Variants in GALNTL6 observed in about 807,000 individuals in gnomAD.
The protein encoded by GALNTL6 is polypeptide N-acetylgalactosaminyltransferase-like 6.
GALNTL6 carries 46 observed loss-of-function variants against 73.7 expected under a neutral mutation model. That is an observed-to-expected ratio of 0.62 (90% CI 0.49 to 0.80). GALNTL6 has a LOEUF of 0.80. Ranked by LOEUF, GALNTL6 falls within the 30% of genes least tolerant of loss-of-function variation. GALNTL6 has a pLI of 0.00. For missense variants in GALNTL6, 604 were observed against 755.0 expected (o/e 0.80, Z 2.34); for synonymous variants, 259 against 263.7 (o/e 0.98, Z 0.17).
At chr4:171,900,535 G>C (rs1405411690) in intron 2 of GALNTL6, among the ~76,000 whole-genome samples, 1 of 150,834 alleles carries the variant, frequency 6.6e-6, no homozygotes, top group Non-Finnish European at 1.5e-5. Context: ...AACCAGGATG[G>C]TGTCAATCTC....
intron 3 of GALNTL6, among the ~76,000 whole-genome samples, chr4:172,304,273 C>T (rs556751661): frequency 6.8e-4 from 104 of 152,204 alleles, no homozygotes; most frequent in Admixed American, 1.8e-3. Context: ...ATATGTGTGG[C>T]GTACCTGTTA....
chr4:172,179,627 G>A (rs1365234791), intron 2 of GALNTL6, among the ~76,000 whole-genome samples: 1 of 146,814 alleles, frequency 6.8e-6, no homozygotes, highest in Admixed American at 6.8e-5. Flanking sequence ...TCTGATGGTA[G>A]TTTCTTTTGC....
At chr4:172,703,772 T>G (rs1734168362) in intron 5 of GALNTL6, among the ~76,000 whole-genome samples, 2 of 152,006 alleles carry the variant, frequency 1.3e-5, no homozygotes, top group Admixed American at 1.3e-4. Context: ...GAATTGGTAT[T>G]AGTTCTTCTT....
chr4:172,302,553 C>T (rs1053554704), intron 3 of GALNTL6, among the ~76,000 whole-genome samples: 5 of 152,174 alleles, frequency 3.3e-5, no homozygotes. Flanking sequence ...CTCCACCTAT[C>T]CTCATGAGAG....
intron 5 of GALNTL6, among the ~76,000 whole-genome samples, chr4:172,757,237 T>C (rs997483994): frequency 2.6e-5 from 4 of 152,232 alleles, no homozygotes; most frequent in Non-Finnish European, 4.4e-5. Context: ...AGCTACATTT[T>C]CCTGGGTCTT....
intron 5 of GALNTL6, among the ~76,000 whole-genome samples, chr4:172,574,183 A>T (rs1736871483): frequency 6.6e-6 from 1 of 152,196 alleles, no homozygotes; most frequent in Non-Finnish European, 1.5e-5. Flanking sequence ...GTTTGTAACC[A>T]TCTGATAACC....
chr4:172,802,096 G>A (rs933609750), intron 5 of GALNTL6, among the ~76,000 whole-genome samples: 7 of 148,106 alleles, frequency 4.7e-5, no homozygotes, highest in African/African-American at 1.5e-4. Flanking sequence ...CCCATCGTTT[G>A]GATTTTGCCA....
intron 2 of GALNTL6, among the ~76,000 whole-genome samples, chr4:172,083,549 T>G (rs72698985): frequency 0.02 from 3,070 of 152,296 alleles, 36 homozygotes; most frequent in Non-Finnish European, 0.03. Flanking sequence ...AGAATTCCCT[T>G]AGATATTTCC....
chr4:172,673,400 C>A (rs765434964), intron 5 of GALNTL6, among the ~76,000 whole-genome samples: 1 of 152,084 alleles, frequency 6.6e-6, no homozygotes, highest in Admixed American at 6.6e-5. Context: ...ATTATGTGAT[C>A]GATTTTAGAG....
intron 5 of GALNTL6, among the ~76,000 whole-genome samples, chr4:172,620,181 A>G (rs1020130994): frequency 6.6e-6 from 1 of 152,224 alleles, no homozygotes; most frequent in Non-Finnish European, 1.5e-5. Flanking sequence ...TGCACAACAC[A>G]GAGGAGTTTA....
At chr4:172,013,707 A>G (rs1481918185) in intron 2 of GALNTL6, among the ~76,000 whole-genome samples, 5 of 152,076 alleles carry the variant, frequency 3.3e-5, no homozygotes, top group African/African-American at 1.2e-4. Flanking sequence ...TGTCACAAAC[A>G]ATCCAATTAT....
At chr4:172,798,698 C>T (rs1005270983) in intron 5 of GALNTL6, among the ~76,000 whole-genome samples, 22 of 152,248 alleles carry the variant, frequency 1.4e-4, no homozygotes, top group African/African-American at 4.1e-4. Flanking sequence ...TGTGCACGTA[C>T]ATGTAAAAAT....
At chr4:172,595,970 A>G (rs1205739314) in intron 5 of GALNTL6, among the ~76,000 whole-genome samples, 1 of 152,108 alleles carries the variant, frequency 6.6e-6, no homozygotes, top group Non-Finnish European at 1.5e-5. Flanking sequence ...AAATAAGCAT[A>G]TAAACTTATA....
intron 5 of GALNTL6, among the ~76,000 whole-genome samples, chr4:172,594,606 C>T (rs1737781405): frequency 1.3e-5 from 2 of 152,046 alleles, no homozygotes; most frequent in African/African-American, 2.4e-5. Context: ...GACATAAGTT[C>T]CAGAATATTA....
chr4:172,998,315 A>T (rs1751886982), intron 10 of GALNTL6, among the ~76,000 whole-genome samples: 1 of 152,228 alleles, frequency 6.6e-6, no homozygotes, highest in Admixed American at 6.5e-5. Flanking sequence ...AGAATCACAA[A>T]AGCATTCCTA....
At chr4:172,449,122 A>G (rs1732124945) in intron 5 of GALNTL6, among the ~76,000 whole-genome samples, 1 of 152,058 alleles carries the variant, frequency 6.6e-6, no homozygotes, top group East Asian at 1.9e-4. Flanking sequence ...CTTCTTTTTT[A>G]CAATAGTGAA....
chr4:172,170,813 T>C (rs1446789777), intron 2 of GALNTL6, among the ~76,000 whole-genome samples: 2 of 152,090 alleles, frequency 1.3e-5, no homozygotes, highest in Admixed American at 6.6e-5. Flanking sequence ...CACGCCCTGC[T>C]GGGAAATTGT....
chr4:172,546,798 G>GTATATATATACGTATATATATGTGTA lies in GALNTL6; in HGVS notation c.553+198117_553+198118insTACGTATATATATGTGTATATATATA, dbSNP rs74218672. ...TCAACTCCGCTTTATATATATATAC[G>GTATATATATACGTATATATATGTGTA]TATATATACGTATATATATACGTAT... On this transcript the variant is annotated intron_variant, in intron 5 of 12. Coordinates refer to ENST00000506823, the MANE Select transcript of GALNTL6 (RefSeq NM_001034845.3). Among the ~76,000 whole-genome samples the GTATATATATACGTATATATATGTGTA allele has an allele frequency of 8.4e-4, 13 of 15,450 alleles. 2 individuals are homozygous for GTATATATATACGTATATATATGTGTA. The highest frequency in any genetic ancestry group is 9.8e-4 in the Non-Finnish European group (7 of 7,130). 10.1% of individuals were successfully genotyped at this position (15,450 alleles called of 152,430 possible). A position where few individuals can be genotyped will look rare whatever the true frequency, so the allele number is the denominator to read the frequency against.
intron 5 of GALNTL6, among the ~76,000 whole-genome samples, chr4:172,572,023 C>G (rs1736781337): frequency 6.6e-6 from 1 of 152,110 alleles, no homozygotes; most frequent in South Asian, 2.1e-4. Flanking sequence ...AAAATATTGG[C>G]CATATCTTTC....
Sources: gnomAD v4.1 joint callset for allele counts (sites outside exome capture counted in the v4.1 genomes callset) on GRCh38, gnomAD v4.1.1 for gene constraint, MANE v1.5 for transcripts, NCBI Gene and HGNC (gene_info 2026-07-23, HGNC 2026-07-21) for gene names.